PRDM11: variants seen among roughly 807,000 people sequenced by gnomAD.
PRDM11 encodes PR domain-containing protein 11.
Under a neutral mutation model 97.8 loss-of-function variants are expected in PRDM11, and 20 were observed. That is an observed-to-expected ratio of 0.20 (90% CI 0.14 to 0.30). The LOEUF (loss-of-function observed/expected upper bound fraction) is 0.30. Among genes scored for constraint, PRDM11 ranks in the 10% least tolerant of loss-of-function variants. The probability of loss-of-function intolerance (pLI) is 1.00; values close to 1 mark genes in which losing one functional copy is unlikely to be tolerated. For synonymous variants in PRDM11, 599 were observed against 637.7 expected (o/e 0.94, Z 0.91); for missense variants, 1,139 against 1,555.2 (o/e 0.73, Z 4.50).
At chr11:45,215,098 A>T (rs1365233944) in intron 5 of PRDM11, among the ~76,000 whole-genome samples, 1 of 152,230 alleles carries the variant, frequency 6.6e-6, no homozygotes, top group Non-Finnish European at 1.5e-5. Flanking sequence ...TAGAAGGGTC[A>T]GGGGCTGTCC....
intron 1 of PRDM11, among the ~76,000 whole-genome samples, chr11:45,104,485 T>C (rs908026597): frequency 2.6e-5 from 4 of 152,084 alleles, no homozygotes; most frequent in Non-Finnish European, 4.4e-5. Flanking sequence ...AGTGAGACCA[T>C]GGAGTGAAGA....
At chr11:45,124,910 A>G (rs1187360151) in intron 1 of PRDM11, among the ~76,000 whole-genome samples, 2 of 152,214 alleles carry the variant, frequency 1.3e-5, no homozygotes, top group African/African-American at 4.8e-5. Context: ...TTTCAGAAGG[A>G]ATGGTACCAG....
At chr11:45,156,775 G>T (rs1350751839) in intron 1 of PRDM11, among the ~76,000 whole-genome samples, 1 of 152,220 alleles carries the variant, frequency 6.6e-6, no homozygotes, top group African/African-American at 2.4e-5. Flanking sequence ...TGGAGGTGGA[G>T]AGGGAGGATC....
At chr11:45,127,223 T>C (rs1338948464) in intron 1 of PRDM11, among the ~76,000 whole-genome samples, 1 of 152,246 alleles carries the variant, frequency 6.6e-6, no homozygotes, top group Non-Finnish European at 1.5e-5. Context: ...TTGGTTATTC[T>C]AGTTATACAT....
intron 3 of PRDM11, 45 bp downstream of exon 3, chr11:45,182,394 A>G (rs754119661): frequency 7.8e-6 from 12 of 1,532,744 alleles, no homozygotes; most frequent in Non-Finnish European, 9.9e-6. Flanking sequence ...CTTCACCCCC[A>G]TCGCCCCATT....
intron 4 of PRDM11, among the ~76,000 whole-genome samples, 174 bp from the exon 5 acceptor site, chr11:45,204,537 G>A (rs1017826367): frequency 4.6e-5 from 7 of 152,190 alleles, no homozygotes; most frequent in African/African-American, 1.2e-4. Context: ...GTGGAGGGCA[G>A]GTAGCAGAGA....
intron 1 of PRDM11, among the ~76,000 whole-genome samples, chr11:45,133,946 T>C (rs1852774209): frequency 6.6e-6 from 1 of 152,178 alleles, no homozygotes; most frequent in Admixed American, 6.5e-5. Flanking sequence ...CCAATCTGCT[T>C]CCTGGCACAG....
intron 5 of PRDM11, among the ~76,000 whole-genome samples, chr11:45,206,879 TG>T (rs983054435): frequency 6.6e-6 from 1 of 152,240 alleles, no homozygotes; most frequent in African/African-American, 2.4e-5. Context: ...CTCCTGGCTC[TG>T]TAATCCTAGG....
chr11:45,184,293 T>C (rs1852623473), intron 4 of PRDM11, among the ~76,000 whole-genome samples: 1 of 152,212 alleles, frequency 6.6e-6, no homozygotes, highest in African/African-American at 2.4e-5. Context: ...AAATTAGGAC[T>C]TCTGTCCTTT....
intron 1 of PRDM11, among the ~76,000 whole-genome samples, chr11:45,124,597 C>T (rs1467359708): frequency 6.6e-6 from 1 of 152,166 alleles, no homozygotes; most frequent in Non-Finnish European, 1.5e-5. Flanking sequence ...TTGAGATAAT[C>T]ATGTGGTTTT....
intron 5 of PRDM11, among the ~76,000 whole-genome samples, chr11:45,217,036 G>A (rs1485197671): frequency 6.6e-6 from 1 of 152,232 alleles, no homozygotes; most frequent in Non-Finnish European, 1.5e-5. Context: ...AGTGAGTCTT[G>A]TGAGAAAAAA....
chr11:45,153,812 C>T (rs1851720788), intron 1 of PRDM11, among the ~76,000 whole-genome samples: 1 of 152,146 alleles, frequency 6.6e-6, no homozygotes, highest in South Asian at 2.1e-4. Context: ...ATCTCTGGGG[C>T]AGTAAACACC....
intron 1 of PRDM11, among the ~76,000 whole-genome samples, chr11:45,115,775 G>C (rs1275987276): frequency 6.6e-6 from 1 of 151,548 alleles, no homozygotes; most frequent in East Asian, 1.9e-4. Flanking sequence ...ACTAAAAATA[G>C]AAAAATCAGC....
At chr11:45,142,309 T>C (rs1851423975), upstream of PRDM11, among the ~76,000 whole-genome samples, 1 of 152,148 alleles carries the variant, frequency 6.6e-6, no homozygotes, top group Admixed American at 6.5e-5. Flanking sequence ...CACACTAGCC[T>C]TCTGCCACTT....
intron 1 of PRDM11, among the ~76,000 whole-genome samples, chr11:45,138,894 A>G (rs1214754665): frequency 6.6e-6 from 1 of 152,262 alleles, no homozygotes; most frequent in African/African-American, 2.4e-5. Flanking sequence ...TAAAGTTACA[A>G]AAATTGTTTG....
chr11:45,198,158 T>C (rs1853198521), intron 4 of PRDM11, among the ~76,000 whole-genome samples: 1 of 152,222 alleles, frequency 6.6e-6, no homozygotes, highest in Non-Finnish European at 1.5e-5. Context: ...GTGCCAATGT[T>C]CACAAAATGT....
rs1854358050 is a variant in PRDM11 at position 45,229,561 on chromosome 11, C to T, written c.*1402C>T. The stretch of plus-strand genomic sequence containing the variant: ...ATAAGCTTTAGAAATAGCCACTTGC[C>T]TATTCCCTGGGGCAAGTAGTGGTTT... On this transcript the variant is annotated 3_prime_UTR_variant, in exon 8 of 8. Transcript: ENST00000683152. 1 of 152,118 alleles carries T rather than the reference C, an allele frequency of 6.6e-6. No individual in the cohort carries two copies. The highest frequency in any genetic ancestry group is 1.5e-5 in the Non-Finnish European group (1 of 68,044). 9.4% of individuals were successfully genotyped at this position (152,118 alleles called of 1,614,324 possible).
Position 45,218,396 on chromosome 11 carries a change from C to T in PRDM11, c.555-1174C>T, listed in dbSNP as rs150502175. ...TCTGTGCCAATGAGACAATGTACTACGCTGTGTTTCTGTTATTAGTGATGC... is the reference window on the plus strand; with the variant it reads ...TCTGTGCCAATGAGACAATGTACTATGCTGTGTTTCTGTTATTAGTGATGC... On this transcript the variant is annotated intron_variant, in intron 5 of 7. Transcript: ENST00000683152. 2.1e-4 allele frequency among the ~76,000 whole-genome samples: 32 copies of T among 152,268 alleles called. No homozygotes were observed. The East Asian group carries it at 4.4e-3, about 21-fold the overall frequency.
At chr11:45,160,615 G>A (rs528633084) in intron 1 of PRDM11, among the ~76,000 whole-genome samples, 1 of 152,188 alleles carries the variant, frequency 6.6e-6, no homozygotes, top group Non-Finnish European at 1.5e-5. Flanking sequence ...CCACACAGTA[G>A]GTTTTAGAAA....
Sources: allele counts gnomAD v4.1 joint callset (sites outside exome capture counted in the v4.1 genomes callset), GRCh38; gene constraint gnomAD v4.1.1; transcripts MANE v1.5; gene names NCBI Gene and HGNC (gene_info 2026-07-23, HGNC 2026-07-21).